Variants in FAM110B observed in about 807,000 individuals in gnomAD.
FAM110B encodes protein FAM110B.
FAM110B carries 6 observed loss-of-function variants against 20.4 expected under a neutral mutation model. The observed-to-expected ratio is 0.29, with a 90% CI of 0.16 to 0.58. The LOEUF is 0.58. FAM110B is among the 20% of genes least tolerant of loss of function. FAM110B has a pLI of 0.90. For missense variants in FAM110B, 434 were observed against 498.2 expected (o/e 0.87, Z 1.23); for synonymous variants, 226 against 214.1 (o/e 1.06, Z -0.49).
At chr8:58,121,191 A>G (rs1242646429) in intron 3 of FAM110B, among the ~76,000 whole-genome samples, 1 of 152,186 alleles carries the variant, frequency 6.6e-6, no homozygotes, top group Non-Finnish European at 1.5e-5. Flanking sequence ...GGGAGGTGCC[A>G]TGCAAACAGG....
chr8:58,013,684 T>G (rs1804584150), intron 1 of FAM110B, among the ~76,000 whole-genome samples: 1 of 152,172 alleles, frequency 6.6e-6, no homozygotes, highest in Non-Finnish European at 1.5e-5. Flanking sequence ...GAGATATTTT[T>G]TATCTTGACA....
chr8:58,048,149 G>C (rs1280116236), intron 2 of FAM110B, among the ~76,000 whole-genome samples: 1 of 152,178 alleles, frequency 6.6e-6, no homozygotes, highest in East Asian at 1.9e-4. Flanking sequence ...GCAAACAGCA[G>C]TCTGTAGTGG....
intron 3 of FAM110B, among the ~76,000 whole-genome samples, chr8:58,103,262 G>C (rs1213658679): frequency 6.6e-6 from 1 of 151,882 alleles, no homozygotes; most frequent in Non-Finnish European, 1.5e-5. Flanking sequence ...ATGCTGGTGT[G>C]CTGCACCCAC....
intron 3 of FAM110B, among the ~76,000 whole-genome samples, chr8:58,119,232 T>G (rs986875752): frequency 9.9e-5 from 15 of 152,192 alleles, no homozygotes; most frequent in Admixed American, 9.8e-4. Context: ...CAAAATACCT[T>G]GGACTGGGTA....
At chr8:58,061,484 G>T (rs939882514) in intron 2 of FAM110B, among the ~76,000 whole-genome samples, 1 of 152,200 alleles carries the variant, frequency 6.6e-6, no homozygotes, top group Non-Finnish European at 1.5e-5. Context: ...TAGAAGGCCT[G>T]CCTGCAGTGG....
At chr8:58,022,322 A>C (rs754925401) in intron 1 of FAM110B, among the ~76,000 whole-genome samples, 1 of 152,196 alleles carries the variant, frequency 6.6e-6, no homozygotes. Context: ...CAAAGTACCT[A>C]GAGTAGTCAG....
At chr8:58,084,926 G>A (rs16923023) in intron 3 of FAM110B, among the ~76,000 whole-genome samples, 29,513 of 151,988 alleles carry the variant, frequency 0.19, 6,469 homozygotes, top group African/African-American at 0.54. Flanking sequence ...CAAGGAGTAG[G>A]TTGCACCCTG....
At chr8:58,132,404 T>C (rs1803496913) in intron 3 of FAM110B, among the ~76,000 whole-genome samples, 1 of 151,924 alleles carries the variant, frequency 6.6e-6, no homozygotes, top group Non-Finnish European at 1.5e-5. Flanking sequence ...AGTATTTTTT[T>C]TTTTCCTTCC....
Position 58,099,142 on chromosome 8 carries a change from A to G in FAM110B, c.-325+23519A>G, listed in dbSNP as rs574357008. 2.0e-5 allele frequency: 3 copies of G among 152,300 alleles called. No homozygotes were observed. The South Asian group carries it at 6.2e-4, about 32-fold the overall frequency. The allele number at this position is 152,300 out of a possible 1,614,324, so 9.4% of individuals were successfully genotyped here. ...AGTTGAAAACTGGTGTAATACCTCAAGGGATGTAGACAAATACTCAAGGTT... is the reference window on the plus strand; with the variant it reads ...AGTTGAAAACTGGTGTAATACCTCAGGGGATGTAGACAAATACTCAAGGTT... On this transcript the variant is annotated intron_variant, in intron 3 of 3. Transcript: ENST00000519262.
At chr8:58,101,481 A>G (rs752360929) in intron 3 of FAM110B, among the ~76,000 whole-genome samples, 1 of 152,224 alleles carries the variant, frequency 6.6e-6, no homozygotes, top group Non-Finnish European at 1.5e-5. Flanking sequence ...TAATTCCCAG[A>G]TGGCAGGTGA....
intron 2 of FAM110B, among the ~76,000 whole-genome samples, chr8:58,041,605 T>C (rs1805222403): frequency 6.6e-6 from 1 of 151,918 alleles, no homozygotes; most frequent in African/African-American, 2.4e-5. Context: ...ACATGGGGAG[T>C]CTTGTTGCCA....
At chr8:58,007,940 C>A (rs373103128) in intron 1 of FAM110B, among the ~76,000 whole-genome samples, 2 of 151,994 alleles carry the variant, frequency 1.3e-5, no homozygotes, top group Non-Finnish European at 2.9e-5. Flanking sequence ...CATATTTATA[C>A]GTAAAGTAAC....
chr8:58,147,180 A>G lies in FAM110B; in HGVS notation c.950A>G (p.Asp317Gly). 1.9e-6 allele frequency: 3 copies of G among 1,614,168 alleles called. No homozygotes were observed. Among genetic ancestry groups the G allele is most frequent in the Non-Finnish European group, 2.5e-6 (3 of 1,180,026 alleles). Residue 317 changes from aspartate (D) to glycine (G), a missense_variant, in exon 4 of 4, where the codon GAC (aspartate) becomes GGC (glycine). Asp to Gly is a moderately conservative substitution (Grantham distance 94, BLOSUM62 -1). Around this residue, in one of 3 missense-constraint regions of FAM110B, gnomAD observed 94 missense variants for 137.8 expected, o/e 0.68. Transcript: ENST00000519262. Reference protein sequence around the residue: ...NFRSASMISSDCEQSQDSNSD... With the variant: ...NFRSASMISSGCEQSQDSNSD... Reference sequence around the variant, plus strand: ...CGCAGCGCAAGCATGATCAGCTCAGACTGTGAACAGTCTCAGGACAGTAAC... The same window carrying G: ...CGCAGCGCAAGCATGATCAGCTCAGGCTGTGAACAGTCTCAGGACAGTAAC...
At chr8:58,030,281 A>G (rs927802112) in intron 1 of FAM110B, among the ~76,000 whole-genome samples, 2 of 152,168 alleles carry the variant, frequency 1.3e-5, no homozygotes, top group East Asian at 1.9e-4. Context: ...TTATATTTCT[A>G]TTTTAATCTA....
chr8:58,087,258 G>A (rs187791146), intron 3 of FAM110B, among the ~76,000 whole-genome samples: 12 of 152,302 alleles, frequency 7.9e-5, no homozygotes, highest in Admixed American at 1.3e-4. Flanking sequence ...AGCGCTGTGC[G>A]TCACCTTCTA....
At chr8:58,094,881 A>AT (rs1235456319) in intron 3 of FAM110B, among the ~76,000 whole-genome samples, 5 of 151,798 alleles carry the variant, frequency 3.3e-5, no homozygotes, top group Non-Finnish European at 5.9e-5. Context: ...CTTGTCTTGG[A>AT]TTTTTTTTGG....
rs201832388 is a variant in FAM110B at position 58,028,533 on chromosome 8, C to T, written c.-511-3073C>T. Among the ~76,000 whole-genome samples the T allele has an allele frequency of 2.4e-4, 37 of 152,316 alleles. No homozygotes were observed. The East Asian group carries it at 5.6e-3, about 23-fold the overall frequency. Reference sequence around the variant, plus strand: ...AAGATCTCTTCCTGTGTTTACTTGGCATCTCTATTTTCTTTATTGAAATGT... The same window carrying T: ...AAGATCTCTTCCTGTGTTTACTTGGTATCTCTATTTTCTTTATTGAAATGT... On this transcript the variant is annotated intron_variant, in intron 1 of 3. Transcript: ENST00000519262.
At chr8:58,011,565 A>G (rs1011573967) in intron 1 of FAM110B, among the ~76,000 whole-genome samples, 1 of 152,190 alleles carries the variant, frequency 6.6e-6, no homozygotes, top group African/African-American at 2.4e-5. Context: ...GCACGCACTC[A>G]GCTCCTTCCA....
chr8:58,127,471 C>T (rs1807536894), intron 3 of FAM110B, among the ~76,000 whole-genome samples: 1 of 150,836 alleles, frequency 6.6e-6, no homozygotes, highest in Non-Finnish European at 1.5e-5. Flanking sequence ...CCCTCATTTT[C>T]ATCTGGCCCA....
Sources: gnomAD v4.1 joint callset for allele counts (sites outside exome capture counted in the v4.1 genomes callset) on GRCh38, gnomAD v4.1.1 for gene constraint, gnomAD v4.1.1 regional missense constraint, MANE v1.5 for transcripts, NCBI Gene and HGNC (gene_info 2026-07-23, HGNC 2026-07-21) for gene names.